The following CSTF3 variants were observed in gnomAD, a reference collection of about 807,000 sequenced individuals.
CSTF3 encodes CF-1 77 kDa subunit.
Under a neutral mutation model 105.8 loss-of-function variants are expected in CSTF3, and 29 were observed. That is an observed-to-expected ratio of 0.27 (90% CI 0.20 to 0.37). The LOEUF (loss-of-function observed/expected upper bound fraction) is 0.37. CSTF3 is among the 10% of genes least tolerant of loss of function. The pLI is 1.00. For missense variants in CSTF3, 357 were observed against 879.3 expected (o/e 0.41, Z 7.51); for synonymous variants, 252 against 281.9 (o/e 0.89, Z 1.06).
intron 2 of CSTF3, 49 bp downstream of exon 2, chr11:33,141,836 A>G: frequency 1.3e-6 from 2 of 1,572,658 alleles, no homozygotes; most frequent in East Asian, 2.2e-5. Context: ...AGAACCAAGT[A>G]GTGTGATTGG....
intron 3 of CSTF3, among the ~76,000 whole-genome samples, chr11:33,140,493 C>G (rs532215468): frequency 6.6e-6 from 1 of 152,096 alleles, no homozygotes; most frequent in Non-Finnish European, 1.5e-5. Flanking sequence ...TAATTTCCCT[C>G]CCCACCAAGT....
At chr11:33,153,313 A>G (rs1215664874) in intron 1 of CSTF3, among the ~76,000 whole-genome samples, 1 of 152,180 alleles carries the variant, frequency 6.6e-6, no homozygotes, top group Admixed American at 6.5e-5. Context: ...CTTTACATAC[A>G]ATTGTGGATA....
intron 1 of CSTF3, among the ~76,000 whole-genome samples, chr11:33,157,224 G>A (rs1468222913): frequency 1.3e-5 from 2 of 152,140 alleles, no homozygotes; most frequent in Non-Finnish European, 2.9e-5. Context: ...GCATTGTGGC[G>A]TGTGCTTGTA....
chr11:33,085,675 G>A (rs543135667), intron 20 of CSTF3, 38 bp downstream of exon 20: 20 of 1,539,218 alleles, frequency 1.3e-5, no homozygotes, highest in South Asian at 5.6e-5. Context: ...AGACAACAAC[G>A]TGGAATGACA....
chr11:33,093,577 T>G (rs1044991059), intron 15 of CSTF3, among the ~76,000 whole-genome samples: 5 of 152,180 alleles, frequency 3.3e-5, no homozygotes, highest in Admixed American at 6.6e-5. Flanking sequence ...ACCTAATATA[T>G]CCAAATCTTA....
intron 13 of CSTF3, among the ~76,000 whole-genome samples, chr11:33,097,453 T>C (rs573177486): frequency 6.6e-5 from 10 of 152,228 alleles, no homozygotes; most frequent in African/African-American, 2.2e-4. Flanking sequence ...CACTGCAACC[T>C]CTGTCTCCTG....
intron 1 of CSTF3, among the ~76,000 whole-genome samples, chr11:33,147,305 GAAAGA>G (rs1021429348): frequency 1.2e-4 from 18 of 150,426 alleles, no homozygotes; most frequent in African/African-American, 3.2e-4. Context: ...TAAAAAAAAA[GAAAGA>G]AAGAGGCCAG....
chr11:33,085,874 C>T, intron 19 of CSTF3, 21 bp downstream of exon 19: 1 of 1,581,712 alleles, frequency 6.3e-7, no homozygotes, highest in Non-Finnish European at 8.6e-7. Flanking sequence ...CAGTATCTAC[C>T]ATGAAAATAA....
intron 3 of CSTF3, among the ~76,000 whole-genome samples, chr11:33,120,382 GT>G (rs572124367): frequency 1.3e-5 from 2 of 151,686 alleles, no homozygotes; most frequent in Non-Finnish European, 3.0e-5. Flanking sequence ...CTCCATTAGA[GT>G]TTTTTTCTTA....
At chr11:33,140,419 C>G (rs1341248215) in intron 3 of CSTF3, among the ~76,000 whole-genome samples, 1 of 152,042 alleles carries the variant, frequency 6.6e-6, no homozygotes, top group African/African-American at 2.4e-5. Context: ...CACAAACATA[C>G]ATACCACATA....
In CSTF3 at chr11:33,141,694, T is replaced by C. The variant is rs1855713413; in HGVS notation, c.198A>G (p.Arg66=). The C allele has an allele frequency of 1.9e-6, 3 of 1,612,776 alleles. No homozygotes were observed. Among genetic ancestry groups the C allele is most frequent in the Non-Finnish European group, 2.5e-6 (3 of 1,179,628 alleles). ...RLVAQFPSSG[R]FWKLYIEAEI... ...CTGCTTCAATGTACAGTTTCCAGAA[T>C]CTGCCAGAACTGGGGAACTGGGCAA... is the stretch of plus-strand genomic sequence containing the variant. Residue 66 remains arginine, a synonymous_variant, in exon 3 of 21, where the codon AGA becomes AGG. Coordinates refer to ENST00000323959, the MANE Select transcript of CSTF3 (RefSeq NM_001326.3).
chr11:33,153,164 T>G (rs1023715223), intron 1 of CSTF3, among the ~76,000 whole-genome samples: 1 of 152,172 alleles, frequency 6.6e-6, no homozygotes, highest in Non-Finnish European at 1.5e-5. Flanking sequence ...TCATGATCTT[T>G]TAAATGTCTG....
In CSTF3 at chr11:33,084,932, G is replaced by T. The variant is rs771151126; in HGVS notation, c.*155C>A. The T allele has an allele frequency of 9.0e-6, 7 of 778,526 alleles. No homozygotes were observed. The highest frequency in any genetic ancestry group is 1.5e-5 in the Non-Finnish European group (7 of 474,402). 48.2% of individuals were successfully genotyped at this position (778,526 alleles called of 1,614,324 possible). On this transcript the variant is annotated 3_prime_UTR_variant, in exon 21 of 21. Coordinates refer to ENST00000323959, the MANE Select transcript of CSTF3 (RefSeq NM_001326.3). ...CCGTATTCTAAAATTCACACAGGTT[G>T]GTTTGTTTTTTCTCAAGAACCATGT...
At position 33,096,291 on chromosome 11, in the gene CSTF3, C is replaced by T. The variant is rs1002416507; in HGVS notation, c.1375+15G>A. ...TAATATTAAGTAATCATTATAGATT[C>T]TAGAATCAACCTACCATTGAGGTGA... On this transcript the variant is annotated intron_variant, in intron 15 of 20. Transcript: ENST00000323959. The T allele has an allele frequency of 2.1e-6, 3 of 1,440,374 alleles. No homozygotes were observed. Among genetic ancestry groups the T allele is most frequent in the Non-Finnish European group, 2.8e-6 (3 of 1,059,732 alleles). The allele number at this position is 1,440,374 out of a possible 1,614,324, so 89.2% of individuals were successfully genotyped here. A position where few individuals can be genotyped will look rare whatever the true frequency, so the allele number is the denominator to read the frequency against.
chr11:33,106,377 T>C (rs994963211), intron 5 of CSTF3, among the ~76,000 whole-genome samples: 6 of 151,938 alleles, frequency 3.9e-5, no homozygotes, highest in African/African-American at 7.3e-5. Context: ...GAATGCACCA[T>C]TACACTTCAG....
chr11:33,112,462 T>C (rs1855389003), intron 3 of CSTF3, among the ~76,000 whole-genome samples: 1 of 152,150 alleles, frequency 6.6e-6, no homozygotes, highest in Non-Finnish European at 1.5e-5. Context: ...CAGGTGCCCA[T>C]AAATCATACT....
At chr11:33,085,381 A>G (rs1408116834) in intron 20 of CSTF3, 92 bp from the exon 21 acceptor site, 2 of 930,180 alleles carry the variant, frequency 2.2e-6, no homozygotes, top group Non-Finnish European at 3.1e-6. Context: ...ATAGCCTACT[A>G]TTTTAGCAAA....
chr11:33,138,433 G>A (rs964755054), intron 3 of CSTF3, among the ~76,000 whole-genome samples: 1 of 151,784 alleles, frequency 6.6e-6, no homozygotes, highest in Non-Finnish European at 1.5e-5. Context: ...TGATTATTTA[G>A]TGACCTTTTT....
intron 3 of CSTF3, among the ~76,000 whole-genome samples, chr11:33,134,189 A>G (rs1362570834): frequency 6.6e-6 from 1 of 152,244 alleles, no homozygotes; most frequent in Non-Finnish European, 1.5e-5. Flanking sequence ...AGTTCAAAGT[A>G]ATTTCAAAAT....
Sources: allele counts gnomAD v4.1 joint callset (sites outside exome capture counted in the v4.1 genomes callset), GRCh38; gene constraint gnomAD v4.1.1; transcripts MANE v1.5; gene names NCBI Gene and HGNC (gene_info 2026-07-23, HGNC 2026-07-21).